PPCDC: variants seen among roughly 807,000 people sequenced by gnomAD.
The protein encoded by PPCDC is phosphopantothenoylcysteine decarboxylase.
A neutral mutation model predicts 20.7 loss-of-function variants in PPCDC; 20 were observed. The ratio of observed to expected loss-of-function variants is 0.97; its 90% confidence interval spans 0.68 to 1.41. The LOEUF (loss-of-function observed/expected upper bound fraction) is 1.41. PPCDC is among the 40% of genes most tolerant of loss of function. The pLI is 0.00. For synonymous variants in PPCDC, 88 were observed against 100.3 expected (o/e 0.88, Z 0.73); for missense variants, 246 against 263.8 (o/e 0.93, Z 0.47).
chr15:75,033,100 G>C (rs1173000648), intron 2 of PPCDC, among the ~76,000 whole-genome samples: 1 of 152,082 alleles, frequency 6.6e-6, no homozygotes, highest in African/African-American at 2.4e-5. Context: ...ACTGTGCCTG[G>C]CCTGATTTTT....
chr15:75,036,819 A>G (rs927034729), intron 2 of PPCDC, among the ~76,000 whole-genome samples: 1 of 151,934 alleles, frequency 6.6e-6, no homozygotes, highest in Non-Finnish European at 1.5e-5. Context: ...TTATTTTTTT[A>G]TTGATGGATG....
intron 1 of PPCDC, among the ~76,000 whole-genome samples, chr15:75,025,815 A>G (rs908811434): frequency 3.9e-5 from 6 of 152,226 alleles, no homozygotes; most frequent in African/African-American, 1.4e-4. Flanking sequence ...TTGCAAGCAA[A>G]TGAAGGAATC....
intron 2 of PPCDC, among the ~76,000 whole-genome samples, chr15:75,034,472 A>C (rs545305845): frequency 2.6e-5 from 4 of 152,192 alleles, no homozygotes; most frequent in African/African-American, 9.6e-5. Flanking sequence ...GAGCCATGGA[A>C]CCCACTGAGC....
chr15:75,028,532 A>G (rs547007342), intron 2 of PPCDC, 79 bp downstream of exon 2: 14 of 1,560,174 alleles, frequency 9.0e-6, no homozygotes, highest in Middle Eastern at 2.0e-4. Context: ...ATTGCTCTGC[A>G]GTACATGCAA....
intron 2 of PPCDC, among the ~76,000 whole-genome samples, chr15:75,034,223 A>G (rs1030642072): frequency 1.3e-5 from 2 of 152,166 alleles, no homozygotes; most frequent in Non-Finnish European, 2.9e-5. Context: ...CCTGGGTCCT[A>G]TCAGTGAGTG....
intron 2 of PPCDC, among the ~76,000 whole-genome samples, chr15:75,029,866 A>G (rs575014142): frequency 1.9e-4 from 29 of 152,118 alleles, no homozygotes; most frequent in South Asian, 1.2e-3. Flanking sequence ...CTAGGGGTGG[A>G]TAGGGGCGGG....
At chr15:75,040,258 A>G (rs1420840529) in intron 2 of PPCDC, among the ~76,000 whole-genome samples, 1 of 151,212 alleles carries the variant, frequency 6.6e-6, no homozygotes. Context: ...ATTTTTTTGT[A>G]TTAGAGATGT....
In PPCDC at chr15:75,049,453, C is replaced by G. The variant is rs2066284284; in HGVS notation, c.*218C>G. On this transcript the variant is annotated 3_prime_UTR_variant, in exon 6 of 6. Coordinates refer to ENST00000342932, the MANE Select transcript of PPCDC (RefSeq NM_021823.5). The stretch of plus-strand genomic sequence containing the variant: ...GGAGAGGCCGCTGCCTAGAGCCCCT[C>G]CCCACCTTTTCCTGGATGGGTGAGG... 2 of 561,018 alleles carry G rather than the reference C, an allele frequency of 3.6e-6. No homozygotes were observed. The highest frequency in any genetic ancestry group is 1.9e-5 in the African/African-American group (1 of 52,840). 34.8% of individuals were successfully genotyped at this position (561,018 alleles called of 1,614,324 possible).
At chr15:75,028,168 C>A in intron 1 of PPCDC, 79 bp from the exon 2 acceptor site, 1 of 1,050,946 alleles carries the variant, frequency 9.5e-7, no homozygotes, top group South Asian at 1.7e-5. Context: ...CAGCCTCTGG[C>A]CTGGGGCCTA....
intron 2 of PPCDC, among the ~76,000 whole-genome samples, chr15:75,029,962 C>T (rs543705516): frequency 6.6e-6 from 1 of 152,274 alleles, no homozygotes; most frequent in Non-Finnish European, 1.5e-5. Context: ...ACGCAGCCAG[C>T]GTTTGGTGGG....
At chr15:75,029,757 G>A (rs2065998947) in intron 2 of PPCDC, among the ~76,000 whole-genome samples, 1 of 152,232 alleles carries the variant, frequency 6.6e-6, no homozygotes, top group Non-Finnish European at 1.5e-5. Flanking sequence ...TGCCCAGCTA[G>A]AGCCGTGAGG....
chr15:75,024,625 A>AT (rs1210563745), intron 1 of PPCDC, among the ~76,000 whole-genome samples: 2 of 150,826 alleles, frequency 1.3e-5, no homozygotes, highest in Non-Finnish European at 2.9e-5. Flanking sequence ...AAATGCTGGG[A>AT]TTACAGGTGT....
Position 75,048,843 on chromosome 15 carries a change from C to T in PPCDC, c.529+122C>T, listed in dbSNP as rs527527889. 5.4e-6 allele frequency: 7 copies of T among 1,298,798 alleles called. No homozygotes were observed. In the South Asian group the frequency reaches 9.1e-5, roughly 17 times the overall value. The allele number at this position is 1,298,798 out of a possible 1,614,324, so 80.5% of individuals were successfully genotyped here. On this transcript the variant is annotated intron_variant, in intron 5 of 5. Transcript: ENST00000342932. The stretch of plus-strand genomic sequence containing the variant: ...CAAACCATTCTCTGAGCTTAGCTTT[C>T]TCAGCTGGAAAATGGGAATCGTAAT...
At chr15:75,038,659 C>T (rs1269679141) in intron 2 of PPCDC, among the ~76,000 whole-genome samples, 1 of 152,206 alleles carries the variant, frequency 6.6e-6, no homozygotes, top group Non-Finnish European at 1.5e-5. Flanking sequence ...ATGAACCTAA[C>T]AGTGGGGTTG....
intron 2 of PPCDC, among the ~76,000 whole-genome samples, chr15:75,030,224 C>T (rs1339284391): frequency 6.6e-6 from 1 of 152,222 alleles, no homozygotes; most frequent in East Asian, 1.9e-4. Context: ...TGCCCATCCC[C>T]CAGACTCTTG....
chr15:75,046,523 C>T (rs934219030), intron 4 of PPCDC, among the ~76,000 whole-genome samples: 5 of 152,286 alleles, frequency 3.3e-5, no homozygotes, highest in African/African-American at 1.2e-4. Context: ...CTGGGCTTCC[C>T]TCCTCCAGAG....
In PPCDC at chr15:75,049,374, G is replaced by A. The variant is rs1595917268; in HGVS notation, c.*139G>A. The A allele has an allele frequency of 2.5e-6, 2 of 784,358 alleles. No homozygotes were observed. Among genetic ancestry groups the A allele is most frequent in the East Asian group, 2.7e-5 (1 of 36,952 alleles). The allele number at this position is 784,358 out of a possible 1,614,324, so 48.6% of individuals were successfully genotyped here. ...TGCTCTGAGCCTGCCCAGGGGCCAG[G>A]CCTGCTCCAGGTTAAACTGGACGGA... On this transcript the variant is annotated 3_prime_UTR_variant, in exon 6 of 6. Coordinates refer to ENST00000342932, the MANE Select transcript of PPCDC (RefSeq NM_021823.5).
intron 5 of PPCDC, 141 bp from the exon 6 acceptor site, chr15:75,049,009 T>G: frequency 1.2e-6 from 1 of 849,084 alleles, no homozygotes; most frequent in Non-Finnish European, 1.9e-6. Flanking sequence ...GGGAGAGATC[T>G]GATGTGTCTG....
intron 2 of PPCDC, among the ~76,000 whole-genome samples, chr15:75,030,399 A>G (rs2141477429): frequency 6.6e-6 from 1 of 152,284 alleles, no homozygotes; most frequent in Non-Finnish European, 1.5e-5. Context: ...GGCCAGCCAC[A>G]TGGTGTGGGG....
Sources: gnomAD v4.1 joint callset for allele counts (sites outside exome capture counted in the v4.1 genomes callset) on GRCh38, gnomAD v4.1.1 for gene constraint, MANE v1.5 for transcripts, NCBI Gene and HGNC (gene_info 2026-07-23, HGNC 2026-07-21) for gene names.